The following ABCC4 variants were observed in gnomAD, a reference collection of about 807,000 sequenced individuals.
ABCC4 encodes the protein ATP-binding cassette sub-family C member 4.
Under a neutral mutation model 168.5 loss-of-function variants are expected in ABCC4, and 102 were observed. That is an observed-to-expected ratio of 0.61 (90% CI 0.52 to 0.71). ABCC4 has a LOEUF of 0.71. Among genes scored for constraint, ABCC4 ranks in the 30% least tolerant of loss-of-function variants. ABCC4 has a pLI of 0.00. For synonymous variants in ABCC4, 617 were observed against 590.7 expected, an observed-to-expected ratio of 1.04 and a Z score of -0.65; for missense variants, 1,402 against 1,605.8, an observed-to-expected ratio of 0.87 and a Z score of 2.17.
intron 20 of ABCC4, among the ~76,000 whole-genome samples, chr13:95,096,965 A>C (rs2034620519): frequency 1.3e-5 from 2 of 152,220 alleles, no homozygotes; most frequent in Non-Finnish European, 2.9e-5. Flanking sequence ...TTAAAAGACC[A>C]TTGGTTATTT....
chr13:95,206,576 T>C lies in ABCC4; in HGVS notation c.1117A>G (p.Ile373Val). 1.9e-6 allele frequency: 3 copies of C among 1,614,136 alleles called. No individual in the cohort carries two copies. Among genetic ancestry groups the C allele is most frequent in the Non-Finnish European group, 2.5e-6 (3 of 1,180,020 alleles). ...LTVTLFFPSAIERVSEAIVSI... is the reference protein window; with the variant it reads ...LTVTLFFPSAVERVSEAIVSI... ...ACGATTGCCTCTGACACCCTCTCAATGGCTGAGGGGAAGAAGAGGGTAACC... is the reference window on the plus strand; with the variant it reads ...ACGATTGCCTCTGACACCCTCTCAACGGCTGAGGGGAAGAAGAGGGTAACC... Residue 373 changes from isoleucine (I) to valine (V), a missense_variant, in exon 8 of 31, where the codon ATT (isoleucine) becomes GTT (valine). Physicochemically the swap from Ile to Val is conservative, Grantham distance 29 (BLOSUM62 3). Coordinates refer to ENST00000645237, the MANE Select transcript of ABCC4 (RefSeq NM_005845.5).
chr13:95,096,218 A>G, intron 20 of ABCC4: 1 of 625,750 alleles, frequency 1.6e-6, no homozygotes, highest in East Asian at 2.9e-5. Flanking sequence ...ATGGGCTGGC[A>G]GCAGATTGGG....
intron 3 of ABCC4, among the ~76,000 whole-genome samples, chr13:95,241,385 A>G (rs2039940589): frequency 6.6e-6 from 1 of 151,074 alleles, no homozygotes; most frequent in Admixed American, 6.6e-5. Flanking sequence ...AAAAATACAC[A>G]TCTCATTTCT....
intron 20 of ABCC4, among the ~76,000 whole-genome samples, chr13:95,086,028 C>T (rs937564145): frequency 2.7e-5 from 4 of 149,516 alleles, no homozygotes; most frequent in Non-Finnish European, 5.9e-5. Context: ...CATTTAATAC[C>T]GAAATATATC....
intron 19 of ABCC4, among the ~76,000 whole-genome samples, chr13:95,136,631 G>T (rs1393230505): frequency 1.3e-5 from 2 of 152,172 alleles, no homozygotes; most frequent in African/African-American, 2.4e-5. Flanking sequence ...AAGCCAAAAG[G>T]TTCCTCTACA....
At chr13:95,273,861 G>A (rs558149503) in intron 1 of ABCC4, among the ~76,000 whole-genome samples, 45 of 144,698 alleles carry the variant, frequency 3.1e-4, no homozygotes, top group Non-Finnish European at 6.4e-4. Flanking sequence ...TGTTGCCCAG[G>A]CTGGAATGCA....
intron 19 of ABCC4, among the ~76,000 whole-genome samples, chr13:95,144,667 C>T (rs1055655841): frequency 1.3e-5 from 2 of 151,896 alleles, no homozygotes; most frequent in Non-Finnish European, 2.9e-5. Flanking sequence ...TATTTAGGAA[C>T]ACAGGTAACC....
chr13:95,108,551 C>CATG (rs2035086069), intron 20 of ABCC4, among the ~76,000 whole-genome samples: 1 of 152,154 alleles, frequency 6.6e-6, no homozygotes, highest in African/African-American at 2.4e-5. Flanking sequence ...TGCCTGCCGC[C>CATG]ATGTAAGACA....
In ABCC4 at chr13:95,206,860, T is replaced by C. The variant is rs1161190831; in HGVS notation, c.912-79A>G. The stretch of plus-strand genomic sequence containing the variant: ...GCTCACGCCTGCAATCTCAGCACTT[T>C]GGGAGCTGAGGTGGATGAATTGTTT... On this transcript the variant is annotated intron_variant, in intron 7 of 30. Coordinates refer to ENST00000645237, the MANE Select transcript of ABCC4 (RefSeq NM_005845.5). 2.0e-6 allele frequency: 3 copies of C among 1,500,198 alleles called. No individual in the cohort carries two copies. In the East Asian group the frequency reaches 6.8e-5, roughly 34 times the overall value. The allele number at this position is 1,500,198 out of a possible 1,614,324, so 92.9% of individuals were successfully genotyped here.
intron 19 of ABCC4, among the ~76,000 whole-genome samples, chr13:95,138,939 A>G (rs1424748097): frequency 1.3e-5 from 2 of 151,766 alleles, no homozygotes; most frequent in Non-Finnish European, 2.9e-5. Flanking sequence ...AACCCCAACC[A>G]CCCATCCCCA....
chr13:95,200,186 C>G (rs2038583672), intron 8 of ABCC4, among the ~76,000 whole-genome samples: 1 of 152,214 alleles, frequency 6.6e-6, no homozygotes, highest in Non-Finnish European at 1.5e-5. Flanking sequence ...AAGCTAGGTG[C>G]TCAATTACAT....
At chr13:95,231,263 A>G (rs1028579262) in intron 4 of ABCC4, among the ~76,000 whole-genome samples, 1 of 152,218 alleles carries the variant, frequency 6.6e-6, no homozygotes. Context: ...CTGTACACTT[A>G]AAAAGAGTTA....
chr13:95,110,985 G>GAAAAAAAAAAAAAAAA (rs35464540), intron 20 of ABCC4, among the ~76,000 whole-genome samples: 1 of 123,286 alleles, frequency 8.1e-6, no homozygotes. Flanking sequence ...AAAAAAGAAA[G>GAAAAAAAAAAAAAAAA]AAAAAAAAAA....
At chr13:95,043,865 A>C in intron 28 of ABCC4, 78 bp from the exon 29 acceptor site, 1 of 927,982 alleles carries the variant, frequency 1.1e-6, no homozygotes, top group Non-Finnish European at 1.7e-6. Context: ...CTACTTCACA[A>C]TAGAGATTTA....
chr13:95,131,101 C>T (rs148854045), intron 19 of ABCC4, among the ~76,000 whole-genome samples: 23 of 152,172 alleles, frequency 1.5e-4, no homozygotes, highest in East Asian at 7.7e-4. Context: ...AGGTGGGGTG[C>T]GTGCCACCTA....
At chr13:95,288,532 G>A (rs1457499626) in intron 1 of ABCC4, among the ~76,000 whole-genome samples, 5 of 152,172 alleles carry the variant, frequency 3.3e-5, no homozygotes, top group African/African-American at 7.2e-5. Flanking sequence ...TAGGCTGGAC[G>A]CAGTGGCTCA....
intron 25 of ABCC4, among the ~76,000 whole-genome samples, chr13:95,067,393 C>T (rs1328455424): frequency 6.6e-6 from 1 of 152,108 alleles, no homozygotes; most frequent in African/African-American, 2.4e-5. Context: ...TGTTTAGTCA[C>T]AAGAGGGGCT....
chr13:95,163,505 G>T, intron 17 of ABCC4, 105 bp downstream of exon 17: 1 of 1,092,924 alleles, frequency 9.1e-7, no homozygotes, highest in Non-Finnish European at 1.3e-6. Context: ...ACGAAGTGAG[G>T]ATTAGAAGAG....
At chr13:95,194,434 G>A (rs935874100) in intron 9 of ABCC4, among the ~76,000 whole-genome samples, 1 of 152,172 alleles carries the variant, frequency 6.6e-6, no homozygotes, top group African/African-American at 2.4e-5. Context: ...ACCTGAAAAC[G>A]CTAAGCTGAA....
Sources: gnomAD v4.1 joint callset for allele counts (sites outside exome capture counted in the v4.1 genomes callset) on GRCh38, gnomAD v4.1.1 for gene constraint, MANE v1.5 for transcripts, NCBI Gene and HGNC (gene_info 2026-07-23, HGNC 2026-07-21) for gene names.